The following HPSE2 variants were observed in gnomAD, a reference collection of about 807,000 sequenced individuals.
The protein encoded by HPSE2 is heparanase 2 (inactive), also known as inactive heparanase-2.
In HPSE2, 38 loss-of-function variants were observed where a neutral mutation model predicts 60.5. The observed-to-expected ratio is 0.63, with a 90% CI of 0.48 to 0.82. The LOEUF is 0.82. Ranked by LOEUF, HPSE2 falls within the 40% of genes least tolerant of loss-of-function variation. The pLI is 0.00. For missense variants in HPSE2, 713 were observed against 740.4 expected (o/e 0.96, Z 0.43); for synonymous variants, 295 against 293.2 (o/e 1.01, Z -0.06).
chr10:99,033,866 C>T (rs964404485), intron 3 of HPSE2, among the ~76,000 whole-genome samples: 1 of 152,094 alleles, frequency 6.6e-6, no homozygotes, highest in Non-Finnish European at 1.5e-5. Flanking sequence ...TCCTTATACA[C>T]TCCTGGTAGA....
chr10:99,099,397 A>G (rs1237764110), intron 3 of HPSE2, among the ~76,000 whole-genome samples: 1 of 152,228 alleles, frequency 6.6e-6, no homozygotes, highest in Non-Finnish European at 1.5e-5. Flanking sequence ...GCTCATTGCT[A>G]GCACAGTAGT....
chr10:99,025,860 T>A (rs1378803119), intron 3 of HPSE2, among the ~76,000 whole-genome samples: 2 of 142,564 alleles, frequency 1.4e-5, no homozygotes, highest in African/African-American at 5.2e-5. Flanking sequence ...CCTTCACATG[T>A]AGCCCCAAAC....
intron 3 of HPSE2, among the ~76,000 whole-genome samples, chr10:98,861,196 A>G (rs1017543472): frequency 6.6e-6 from 1 of 152,228 alleles, no homozygotes. Flanking sequence ...AACTACCTGA[A>G]GCAAGCCTTA....
At chr10:98,823,478 T>C (rs1951469901) in intron 3 of HPSE2, among the ~76,000 whole-genome samples, 1 of 151,886 alleles carries the variant, frequency 6.6e-6, no homozygotes, top group African/African-American at 2.4e-5. Context: ...ACAAAAAAAT[T>C]AGCTGGGCGT....
At chr10:98,674,355 G>T (rs1362793963) in intron 6 of HPSE2, among the ~76,000 whole-genome samples, 1 of 152,162 alleles carries the variant, frequency 6.6e-6, no homozygotes, top group East Asian at 1.9e-4. Context: ...AAGAAAGATG[G>T]CTAGATTGGT....
chr10:98,635,784 GA>G (rs71009705), intron 7 of HPSE2, among the ~76,000 whole-genome samples: 13,646 of 129,660 alleles, frequency 0.11, 1,144 homozygotes, highest in East Asian at 0.28. Context: ...CCCATCTCAT[GA>G]AAAAAAAAAA....
intron 9 of HPSE2, among the ~76,000 whole-genome samples, chr10:98,511,584 G>T (rs984619779): frequency 1.6e-5 from 2 of 128,574 alleles, no homozygotes; most frequent in East Asian, 2.4e-4. Context: ...GTGTGTGTGT[G>T]TGTGTGTGTG....
chr10:99,001,994 A>G (rs1956788261), intron 3 of HPSE2, among the ~76,000 whole-genome samples: 2 of 152,052 alleles, frequency 1.3e-5, no homozygotes, highest in Non-Finnish European at 2.9e-5. Flanking sequence ...AATATATAAG[A>G]TAATAACTGT....
At chr10:99,166,699 G>A (rs977184566) in intron 2 of HPSE2, among the ~76,000 whole-genome samples, 2 of 150,874 alleles carry the variant, frequency 1.3e-5, no homozygotes, top group Admixed American at 1.3e-4. Context: ...CTTTTTATTT[G>A]GTTATTTTCT....
chr10:98,674,473 A>G (rs1947585049), intron 6 of HPSE2, among the ~76,000 whole-genome samples: 1 of 152,252 alleles, frequency 6.6e-6, no homozygotes, highest in Non-Finnish European at 1.5e-5. Flanking sequence ...AGACATGAGA[A>G]CAGTAATCAC....
chr10:99,184,786 T>TTTTATATATATATA (rs1431394305), intron 2 of HPSE2, among the ~76,000 whole-genome samples: 5 of 25,284 alleles, frequency 2.0e-4, no homozygotes, highest in African/African-American at 7.0e-4. Flanking sequence ...CTATCCAAAA[T>TTTTATATATATATA]TATATATATA....
intron 4 of HPSE2, among the ~76,000 whole-genome samples, chr10:98,734,816 A>G (rs1949309317): frequency 6.6e-6 from 1 of 151,434 alleles, no homozygotes; most frequent in Admixed American, 6.6e-5. Flanking sequence ...CTTTATTTTT[A>G]TTTTTAGAGC....
intron 1 of HPSE2, 124 bp downstream of exon 1, chr10:99,235,389 T>C (rs1589854565): frequency 1.1e-6 from 1 of 926,610 alleles, no homozygotes; most frequent in East Asian, 2.4e-5. Context: ...GAAAACCTCT[T>C]TTCTTCTCTT....
intron 11 of HPSE2, among the ~76,000 whole-genome samples, chr10:98,473,728 T>C (rs1444647627): frequency 1.3e-5 from 2 of 152,006 alleles, no homozygotes; most frequent in Non-Finnish European, 2.9e-5. Flanking sequence ...GAAGAAGATA[T>C]AGATTTTCTC....
At chr10:98,851,857 C>T (rs1034592471) in intron 3 of HPSE2, among the ~76,000 whole-genome samples, 13 of 152,084 alleles carry the variant, frequency 8.5e-5, no homozygotes, top group African/African-American at 3.1e-4. Flanking sequence ...CACTTATTAC[C>T]TAGACAAAAC....
intron 6 of HPSE2, among the ~76,000 whole-genome samples, chr10:98,666,503 A>T (rs1947366336): frequency 6.6e-6 from 1 of 152,224 alleles, no homozygotes; most frequent in Non-Finnish European, 1.5e-5. Flanking sequence ...TGCTCATGGA[A>T]CATATTCTAA....
chr10:99,137,562 A>C (rs10883278), intron 3 of HPSE2, among the ~76,000 whole-genome samples: 77,454 of 151,988 alleles, frequency 0.51, 21,528 homozygotes, highest in East Asian at 0.65. Context: ...ACCAATGGAA[A>C]AGAACAGAGG....
At chr10:98,926,161 TG>T (rs1954455273) in intron 3 of HPSE2, among the ~76,000 whole-genome samples, 1 of 152,154 alleles carries the variant, frequency 6.6e-6, no homozygotes, top group Non-Finnish European at 1.5e-5. Flanking sequence ...GCATGCTTTT[TG>T]TATGGCCATA....
At chr10:99,123,067 T>G (rs1003221518) in intron 3 of HPSE2, among the ~76,000 whole-genome samples, 4 of 152,158 alleles carry the variant, frequency 2.6e-5, no homozygotes, top group African/African-American at 9.6e-5. Flanking sequence ...GGCTAGTCAT[T>G]TGGAAGAAAA....
Sources: gnomAD v4.1 joint callset for allele counts (sites outside exome capture counted in the v4.1 genomes callset) on GRCh38, gnomAD v4.1.1 for gene constraint, MANE v1.5 for transcripts, NCBI Gene and HGNC (gene_info 2026-07-23, HGNC 2026-07-21) for gene names.